The following EPHA8 variants were observed in gnomAD, a reference collection of about 807,000 sequenced individuals.
EPHA8 encodes EPH receptor A8, also known as ephrin type-A receptor 8.
In EPHA8, 58 loss-of-function variants were observed where a neutral mutation model predicts 103.6. That is an observed-to-expected ratio of 0.56 (90% CI 0.45 to 0.70). The LOEUF (loss-of-function observed/expected upper bound fraction) is 0.70. Among genes scored for constraint, EPHA8 ranks in the 30% least tolerant of loss-of-function variants. EPHA8 has a pLI of 0.00. For synonymous variants in EPHA8, 559 were observed against 572.5 expected, an observed-to-expected ratio of 0.98 and a Z score of 0.34; for missense variants, 1,304 against 1,395.2, an observed-to-expected ratio of 0.93 and a Z score of 1.04.
At chr1:22,591,075 C>A (rs1455208758) in intron 5 of EPHA8, among the ~76,000 whole-genome samples, 1 of 152,018 alleles carries the variant, frequency 6.6e-6, no homozygotes, top group African/African-American at 2.4e-5. Context: ...TTCTCCACAC[C>A]AGTCCTGAGT....
rs190187373 is a variant in EPHA8, at chr1:22,574,139, C to T, written c.160-2078C>T. 7.8e-3 allele frequency among the ~76,000 whole-genome samples: 1,187 copies of T among 152,308 alleles called. 12 individuals carry two copies. The highest frequency in any genetic ancestry group is 0.027 in the African/African-American group (1,116 of 41,554). Reference sequence around the variant, plus strand: ...GACTACAGGCGCCCGCCACCACGCCCGGCCAACTTTTTTGTATTTTTAGGA... The same window carrying T: ...GACTACAGGCGCCCGCCACCACGCCTGGCCAACTTTTTTGTATTTTTAGGA... On this transcript the variant is annotated intron_variant, in intron 2 of 16. Transcript: ENST00000166244.
intron 2 of EPHA8, among the ~76,000 whole-genome samples, chr1:22,574,863 A>G (rs1043565610): frequency 2.6e-5 from 4 of 152,356 alleles, no homozygotes; most frequent in Admixed American, 1.3e-4. Context: ...AGAAGCTGCC[A>G]TACTGTTTTC....
intron 3 of EPHA8, among the ~76,000 whole-genome samples, chr1:22,578,196 G>A (rs1402929270): frequency 9.1e-6 from 1 of 110,024 alleles, no homozygotes; most frequent in African/African-American, 3.5e-5. Flanking sequence ...GTGCATGTGT[G>A]TGCGTGCGAG....
rs1027901967 is a variant in EPHA8, at chr1:22,567,263, T to C, written c.95-2026T>C. 6.7e-6 allele frequency among the ~76,000 whole-genome samples: 1 copy of C among 148,716 alleles called. No individual in the cohort carries two copies. The highest frequency in any genetic ancestry group is 1.5e-5 in the Non-Finnish European group (1 of 67,918). On this transcript the variant is annotated intron_variant, in intron 1 of 16. Transcript: ENST00000166244. The surrounding 1 kb of genome is among the most constrained non-coding windows in gnomAD (Gnocchi z 4.2). Reference sequence around the variant, plus strand: ...ATGCGGGGTGGGGCGGGGGGACCCATACGTGTGTGTCCTTCCCTCACCATC... The same window carrying C: ...ATGCGGGGTGGGGCGGGGGGACCCACACGTGTGTGTCCTTCCCTCACCATC...
chr1:22,587,205 C>G (rs889726856), intron 4 of EPHA8, among the ~76,000 whole-genome samples: 2 of 152,196 alleles, frequency 1.3e-5, no homozygotes, highest in South Asian at 2.1e-4. Context: ...ACAGACGACG[C>G]CTGTATCGTG....
At chr1:22,584,924 G>A (rs962744323) in intron 3 of EPHA8, among the ~76,000 whole-genome samples, 3 of 152,210 alleles carry the variant, frequency 2.0e-5, no homozygotes, top group Non-Finnish European at 4.4e-5. Context: ...GGGCCTCCCA[G>A]TCTAGAAGGA....
At chr1:22,572,755 A>G (rs941800923) in intron 2 of EPHA8, among the ~76,000 whole-genome samples, 3 of 152,168 alleles carry the variant, frequency 2.0e-5, no homozygotes, top group Non-Finnish European at 4.4e-5. Flanking sequence ...TGGGAGGAGG[A>G]CAGAGTTGGG....
At chr1:22,565,271 C>T (rs1640325578) in intron 1 of EPHA8, among the ~76,000 whole-genome samples, 1 of 152,200 alleles carries the variant, frequency 6.6e-6, no homozygotes, top group African/African-American at 2.4e-5. Flanking sequence ...TCATAGTCTC[C>T]CATGAGCCCA....
rs1181041805 is a variant in EPHA8, at chr1:22,598,801, C to T, written c.2179-37C>T. The T allele has an allele frequency of 7.5e-6, 12 of 1,598,538 alleles. No homozygotes were observed. The highest frequency in any genetic ancestry group is 2.2e-5 in the East Asian group (1 of 44,518). On this transcript the variant is annotated intron_variant, in intron 12 of 16. Transcript: ENST00000166244. This position sits in a 1 kb window ranked among gnomAD's most constrained non-coding sequence, Gnocchi z 5.1. ...CCTGTTCACGGACCAGGCGCCTCGC[C>T]GGGCTTTCCTGAAGTCCAAGCCATG...
At chr1:22,593,179 G>A in intron 5 of EPHA8, 147 bp from the exon 6 acceptor site, 1 of 1,240,406 alleles carries the variant, frequency 8.1e-7, no homozygotes, top group Non-Finnish European at 1.1e-6. Flanking sequence ...AGAACTGGAG[G>A]GTGCTGGCTG....
At chr1:22,596,221 G>A in intron 9 of EPHA8, 48 bp downstream of exon 9, 1 of 1,585,470 alleles carries the variant, frequency 6.3e-7, no homozygotes, top group Non-Finnish European at 8.7e-7. Flanking sequence ...GGCCACAGGG[G>A]GACCCAGTGC....
chr1:22,594,022 G>A (rs11802802), intron 7 of EPHA8, among the ~76,000 whole-genome samples: 4,547 of 152,258 alleles, frequency 0.03, 218 homozygotes, highest in African/African-American at 0.1. Flanking sequence ...TAGTAGAGAC[G>A]GGGTTTCACC....
At position 22,597,507 on chromosome 1, in the gene EPHA8, A is replaced by G. The variant is rs370891889; in HGVS notation, c.1930+31A>G. 2.0e-4 allele frequency: 318 copies of G among 1,603,282 alleles called. 2 individuals are homozygous for G. In the African/African-American group the frequency reaches 3.7e-3, roughly 19 times the overall value. ...TCTCAGGGGTTGTGAGGGCGGGGCC[A>G]GCATGGGGCAAGGTGGGGGCACCCA... On this transcript the variant is annotated intron_variant, in intron 10 of 16. Coordinates refer to ENST00000166244, the MANE Select transcript of EPHA8 (RefSeq NM_020526.5). This position sits in a 1 kb window ranked among gnomAD's most constrained non-coding sequence, Gnocchi z 4.6.
In EPHA8 at chr1:22,576,840, G is replaced by A. The variant is rs774330696; in HGVS notation, c.783G>A (p.Val261=). 1.2e-6 allele frequency: 2 copies of A among 1,606,918 alleles called. No homozygotes were observed. The highest frequency in any genetic ancestry group is 1.7e-6 in the Non-Finnish European group (2 of 1,176,016). ...GEWLVPIGKC[V]CSAGYEERRD... ...GGCTCGTGCCCATCGGCAAATGCGT[G>A]TGCAGTGCCGGCTACGAGGAGCGGC... The change falls in exon 3 of 17, where the codon GTG becomes GTA. Residue 261 remains valine, a synonymous_variant. Transcript: ENST00000166244. The surrounding 1 kb of genome is among the most constrained non-coding windows in gnomAD (Gnocchi z 4.8).
In EPHA8 at chr1:22,589,334, C is replaced by T. The variant is rs762939441; in HGVS notation, c.1315+128C>T. On this transcript the variant is annotated intron_variant, in intron 5 of 16. Transcript: ENST00000166244. The surrounding 1 kb of genome is among the most constrained non-coding windows in gnomAD (Gnocchi z 4.3). ...TTAGGCAAGTGCCTCTCTGGCCCTG[C>T]GCTCCTCACCAGGACCCAGAGCTGG... 14 of 1,604,274 alleles carry T rather than the reference C, an allele frequency of 8.7e-6. No individual in the cohort carries two copies. The Admixed American group carries it at 1.2e-4, about 13-fold the overall frequency.
At chr1:22,566,705 G>C (rs1640368904) in intron 1 of EPHA8, among the ~76,000 whole-genome samples, 1 of 152,198 alleles carries the variant, frequency 6.6e-6, no homozygotes, top group African/African-American at 2.4e-5. Context: ...AGAGAGGCCA[G>C]CTGCGGTGAC....
rs752226647 is a variant in EPHA8 at position 22,598,833 on chromosome 1, T to C, written c.2179-5T>C. On this transcript the variant is annotated splice_region_variant and splice_polypyrimidine_tract_variant and intron_variant, in intron 12 of 16. Coordinates refer to ENST00000166244, the MANE Select transcript of EPHA8 (RefSeq NM_020526.5). The surrounding 1 kb of genome is among the most constrained non-coding windows in gnomAD (Gnocchi z 5.1). Reference sequence around the variant, plus strand: ...TCCTGAAGTCCAAGCCATGTCCCCCTGCAGACCCACGACGGGCAGTTCACC... The same window carrying C: ...TCCTGAAGTCCAAGCCATGTCCCCCCGCAGACCCACGACGGGCAGTTCACC... 8 of 1,611,564 alleles carry C rather than the reference T, an allele frequency of 5.0e-6. No individual in the cohort carries two copies. The Admixed American group carries it at 1.3e-4, about 27-fold the overall frequency.
At chr1:22,587,170 T>C (rs1314748204) in intron 4 of EPHA8, among the ~76,000 whole-genome samples, 1 of 152,240 alleles carries the variant, frequency 6.6e-6, no homozygotes, top group East Asian at 1.9e-4. Context: ...TGTGTTAGCG[T>C]GTGTCTGTGT....
intron 3 of EPHA8, among the ~76,000 whole-genome samples, chr1:22,581,433 GGAA>G (rs532670307): frequency 7.6e-4 from 116 of 152,364 alleles, no homozygotes; most frequent in Non-Finnish European, 1.4e-3. Flanking sequence ...TCTGTCTGTA[GGAA>G]GAAGACCTGC....
Sources: gnomAD v4.1 joint callset for allele counts (sites outside exome capture counted in the v4.1 genomes callset) on GRCh38, gnomAD v4.1.1 for gene constraint, Gnocchi (gnomAD v3.1) non-coding constraint, MANE v1.5 for transcripts, NCBI Gene and HGNC (gene_info 2026-07-23, HGNC 2026-07-21) for gene names.